OTUD7A: variants seen among roughly 807,000 people sequenced by gnomAD.
OTUD7A encodes the protein OTU domain-containing protein 7A.
A neutral mutation model predicts 65.7 loss-of-function variants in OTUD7A; 12 were observed. The ratio of observed to expected loss-of-function variants is 0.18; its 90% CI spans 0.12 to 0.30. OTUD7A has a LOEUF of 0.30. Ranked by LOEUF, OTUD7A falls within the 10% of genes least tolerant of loss-of-function variation. The probability of loss-of-function intolerance (pLI) is 1.00; values close to 1 mark genes in which losing one functional copy is unlikely to be tolerated. For missense variants in OTUD7A, 1,148 were observed against 1,304.8 expected, an observed-to-expected ratio of 0.88 and a Z score of 1.85; for synonymous variants, 641 against 586.3, an observed-to-expected ratio of 1.09 and a Z score of -1.35.
At chr15:31,762,304 A>C (rs1894987273) in intron 1 of OTUD7A, among the ~76,000 whole-genome samples, 1 of 152,222 alleles carries the variant, frequency 6.6e-6, no homozygotes, top group African/African-American at 2.4e-5. Flanking sequence ...CTGTGGTCTC[A>C]AGGGCTTGGA....
At chr15:31,519,878 C>A (rs1007420325) in intron 8 of OTUD7A, among the ~76,000 whole-genome samples, 1 of 152,100 alleles carries the variant, frequency 6.6e-6, no homozygotes, top group African/African-American at 2.4e-5. Context: ...AGGACTAAAT[C>A]AAGAAGGCAA....
intron 5 of OTUD7A, among the ~76,000 whole-genome samples, chr15:31,543,625 A>G (rs1174738936): frequency 6.6e-6 from 1 of 151,892 alleles, no homozygotes; most frequent in African/African-American, 2.4e-5. Flanking sequence ...GATAAAATAA[A>G]TCAAAAGGCA....
chr15:31,747,277 C>T (rs978474468), intron 1 of OTUD7A, among the ~76,000 whole-genome samples: 13 of 152,190 alleles, frequency 8.5e-5, no homozygotes, highest in African/African-American at 2.6e-4. Context: ...ATTATGACAA[C>T]GCCTAGAAGC....
At chr15:31,514,954 G>A (rs963528875) in intron 8 of OTUD7A, among the ~76,000 whole-genome samples, 1 of 152,054 alleles carries the variant, frequency 6.6e-6, no homozygotes, top group Admixed American at 6.5e-5. Context: ...TGATTAGCCT[G>A]CCCAGCCACA....
rs756486129 is a variant in OTUD7A, at chr15:31,484,426, T to C, written c.1670A>G (p.Asn557Ser). 7 of 1,602,660 alleles carry C rather than the reference T, an allele frequency of 4.4e-6. No homozygotes were observed. Among genetic ancestry groups the C allele is most frequent in the East Asian group, 2.2e-5 (1 of 44,850 alleles). ...HGKMGRANSA[N>S]GKNGDSAERG... is the part of the protein sequence containing the mutation. ...CTCGGCCGAGTCCCCGTTCTTGCCA[T>C]TGGCGGAGTTGGCGCGGCCCATCTT... The change falls in exon 13 of 13, where the codon AAT (asparagine) becomes AGT (serine). Residue 557 changes from asparagine to serine, a missense_variant. Asn to Ser is a conservative substitution (Grantham distance 46). Transcript: ENST00000307050. The surrounding 1 kb of genome is among the most constrained non-coding windows in gnomAD (Gnocchi z 4.5).
At chr15:31,765,702 T>A in intron 1 of OTUD7A, 2 of 924,606 alleles carry the variant, frequency 2.2e-6, no homozygotes, top group South Asian at 3.3e-5. Context: ...TATGGCTTCA[T>A]TTATCAAAGT....
At chr15:31,791,938 T>C (rs181495800) in intron 1 of OTUD7A, among the ~76,000 whole-genome samples, 2 of 152,240 alleles carry the variant, frequency 1.3e-5, no homozygotes, top group Admixed American at 6.5e-5. Flanking sequence ...ACCTGGATGA[T>C]GTAGAGAAGA....
chr15:31,547,438 T>G (rs1308521573), intron 5 of OTUD7A, among the ~76,000 whole-genome samples: 1 of 152,216 alleles, frequency 6.6e-6, no homozygotes, highest in African/African-American at 2.4e-5. Context: ...TACCACTTCT[T>G]AAGACATCTA....
chr15:31,793,758 T>C (rs777226863), intron 1 of OTUD7A, among the ~76,000 whole-genome samples: 1 of 152,244 alleles, frequency 6.6e-6, no homozygotes, highest in Non-Finnish European at 1.5e-5. Context: ...TTTCTTTTGC[T>C]TTTTAGCCCT....
chr15:31,853,928 A>G (rs549388341), intron 1 of OTUD7A, among the ~76,000 whole-genome samples: 1 of 152,334 alleles, frequency 6.6e-6, no homozygotes, highest in Non-Finnish European at 1.5e-5. Flanking sequence ...AGAAGAGCAA[A>G]TGCAGATGCC....
chr15:31,489,970 G>A (rs142315997), intron 10 of OTUD7A, among the ~76,000 whole-genome samples: 69 of 152,336 alleles, frequency 4.5e-4, no homozygotes, highest in African/African-American at 1.5e-3. Flanking sequence ...GAGGCTCTAC[G>A]GACATGCCTG....
chr15:31,579,758 C>T (rs543084594), intron 3 of OTUD7A, among the ~76,000 whole-genome samples: 1 of 152,284 alleles, frequency 6.6e-6, no homozygotes, highest in East Asian at 1.9e-4. Flanking sequence ...AATAGCTCCC[C>T]TAATCCACAG....
At chr15:31,643,213 G>A (rs1049336005) in intron 3 of OTUD7A, among the ~76,000 whole-genome samples, 2 of 152,100 alleles carry the variant, frequency 1.3e-5, no homozygotes, top group Non-Finnish European at 2.9e-5. Context: ...TCAAACTCCT[G>A]GGCTCAAGCA....
chr15:31,751,733 A>C (rs887725139), intron 1 of OTUD7A, among the ~76,000 whole-genome samples: 1 of 152,214 alleles, frequency 6.6e-6, no homozygotes, highest in Admixed American at 6.5e-5. Flanking sequence ...CTCTGCAGCC[A>C]AAAAAAGGAT....
Position 31,483,514 on chromosome 15 carries a change from C to A in OTUD7A, c.2582G>T (p.Gly861Val). ...AEHKSQTYTN[G>V]FGALRDGLEF... is the part of the protein sequence containing the mutation. ...CAGGCCGTCGCGCAGGGCGCCGAAG[C>A]CGTTGGTGTAGGTCTGCGACTTGTG... The change falls in exon 13 of 13, where the codon GGC becomes GTC. Residue 861 changes from glycine (G) to valine (V), a missense_variant. Physicochemically the swap from Gly to Val is moderately radical, Grantham distance 109. Around this residue, in one of 6 missense-constraint regions of OTUD7A, gnomAD observed 842 missense variants for 769.5 expected, o/e 1.09. Coordinates refer to ENST00000307050, the MANE Select transcript of OTUD7A (RefSeq NM_001382637.1). The A allele has an allele frequency of 2.1e-6, 3 of 1,395,574 alleles. No individual in the cohort carries two copies. The highest frequency in any genetic ancestry group is 2.8e-6 in the Non-Finnish European group (3 of 1,072,454). The allele number at this position is 1,395,574 out of a possible 1,614,324, so 86.4% of individuals were successfully genotyped here.
intron 4 of OTUD7A, among the ~76,000 whole-genome samples, chr15:31,567,742 G>A (rs1388494622): frequency 1.3e-5 from 2 of 152,212 alleles, no homozygotes; most frequent in African/African-American, 2.4e-5. Flanking sequence ...CCAGGGCCCC[G>A]CTACCTTGTG....
At chr15:31,795,033 A>C (rs762298370) in intron 1 of OTUD7A, among the ~76,000 whole-genome samples, 18 of 152,250 alleles carry the variant, frequency 1.2e-4, no homozygotes, top group Admixed American at 2.6e-4. Flanking sequence ...AAATAATAAA[A>C]TCTAGTTATT....
At chr15:31,636,738 A>G (rs1374552117) in intron 3 of OTUD7A, among the ~76,000 whole-genome samples, 1 of 152,250 alleles carries the variant, frequency 6.6e-6, no homozygotes, top group Non-Finnish European at 1.5e-5. Flanking sequence ...TGAATACACA[A>G]ATGATAAGAA....
At chr15:31,643,514 C>T (rs1410031756) in intron 3 of OTUD7A, among the ~76,000 whole-genome samples, 2 of 152,192 alleles carry the variant, frequency 1.3e-5, no homozygotes, top group Non-Finnish European at 2.9e-5. Context: ...AACATCTGAA[C>T]AGCATGTCAG....
Sources: gnomAD v4.1 joint callset for allele counts (sites outside exome capture counted in the v4.1 genomes callset) on GRCh38, gnomAD v4.1.1 for gene constraint, gnomAD v4.1.1 regional missense constraint, Gnocchi (gnomAD v3.1) non-coding constraint, MANE v1.5 for transcripts, NCBI Gene and HGNC (gene_info 2026-07-23, HGNC 2026-07-21) for gene names.